Variants in DOCK1 observed in about 807,000 individuals in gnomAD.
DOCK1 encodes the protein dedicator of cytokinesis protein 1.
Under a neutral mutation model 262.7 loss-of-function variants are expected in DOCK1, and 138 were observed. That is an observed-to-expected ratio of 0.53 (90% confidence interval 0.46 to 0.61). The LOEUF is 0.61. Among genes scored for constraint, DOCK1 ranks in the 20% least tolerant of loss-of-function variants. DOCK1 has a pLI of 0.00. For missense variants in DOCK1, 1,908 were observed against 2,370.7 expected, an observed-to-expected ratio of 0.80 and a Z score of 4.05; for synonymous variants, 866 against 867.4, an observed-to-expected ratio of 1.00 and a Z score of 0.03.
intron 1 of DOCK1, among the ~76,000 whole-genome samples, chr10:126,913,886 T>A (rs996009944): frequency 1.3e-5 from 2 of 152,204 alleles, no homozygotes; most frequent in African/African-American, 4.8e-5. Flanking sequence ...CATGTCACCT[T>A]GGGGGTTATT....
chr10:127,107,982 G>A (rs761855762), intron 24 of DOCK1, among the ~76,000 whole-genome samples: 1 of 152,188 alleles, frequency 6.6e-6, no homozygotes, highest in South Asian at 2.1e-4. Flanking sequence ...TATCATTGAC[G>A]CTCACAGTTT....
At chr10:126,980,155 C>A (rs1190054159) in intron 3 of DOCK1, among the ~76,000 whole-genome samples, 1 of 152,082 alleles carries the variant, frequency 6.6e-6, no homozygotes, top group African/African-American at 2.4e-5. Context: ...CACAGCAACC[C>A]AGCGTTGGGT....
chr10:127,216,065 G>A (rs930870654), intron 27 of DOCK1, among the ~76,000 whole-genome samples: 1 of 152,100 alleles, frequency 6.6e-6, no homozygotes. Context: ...AGCTTTGCCA[G>A]GACCGGGCCT....
chr10:127,450,156 A>G (rs186254049), intron 51 of DOCK1, among the ~76,000 whole-genome samples: 2 of 152,320 alleles, frequency 1.3e-5, no homozygotes, highest in African/African-American at 4.8e-5. Flanking sequence ...CTCATAGGAC[A>G]TCTTTATATC....
intron 27 of DOCK1, among the ~76,000 whole-genome samples, chr10:127,180,710 C>A (rs2055641825): frequency 6.6e-6 from 1 of 152,094 alleles, no homozygotes; most frequent in Non-Finnish European, 1.5e-5. Flanking sequence ...AACTTAATGG[C>A]TAACAATAGG....
chr10:126,998,928 G>T (rs190081064), intron 8 of DOCK1, among the ~76,000 whole-genome samples: 1 of 152,144 alleles, frequency 6.6e-6, no homozygotes, highest in Non-Finnish European at 1.5e-5. Context: ...AGAAAAATAC[G>T]AGTGGATTTT....
intron 27 of DOCK1, among the ~76,000 whole-genome samples, chr10:127,198,614 A>G (rs1385293113): frequency 7.9e-5 from 12 of 152,260 alleles, no homozygotes; most frequent in African/African-American, 2.7e-4. Flanking sequence ...GGCAGGTTAG[A>G]AAATCCACTT....
At chr10:127,241,158 A>G (rs2134694230) in intron 27 of DOCK1, among the ~76,000 whole-genome samples, 1 of 152,194 alleles carries the variant, frequency 6.6e-6, no homozygotes, top group East Asian at 1.9e-4. Context: ...CCCTGTCTCT[A>G]CTAAAAATAC....
intron 30 of DOCK1, 124 bp from the exon 31 acceptor site, chr10:127,343,522 T>G: frequency 1.3e-6 from 1 of 777,142 alleles, no homozygotes; most frequent in Non-Finnish European, 2.0e-6. Context: ...ATAGAGTGAG[T>G]GTGGGTTTTT....
chr10:127,249,765 C>T (rs11016931), intron 28 of DOCK1, among the ~76,000 whole-genome samples: 9,173 of 152,230 alleles, frequency 0.06, 349 homozygotes, highest in Non-Finnish European at 0.088. Flanking sequence ...AATGTTATTA[C>T]GCAGCACGTG....
At chr10:127,137,591 G>A (rs1418448683) in intron 27 of DOCK1, 2 of 408,358 alleles carry the variant, frequency 4.9e-6, no homozygotes, top group Non-Finnish European at 8.7e-6. Flanking sequence ...GACTACGTAA[G>A]TTTCATTTCA....
chr10:127,299,342 G>T (rs535624268), intron 29 of DOCK1, among the ~76,000 whole-genome samples: 1 of 152,330 alleles, frequency 6.6e-6, no homozygotes, highest in East Asian at 1.9e-4. Context: ...GACCTCAGAT[G>T]ATCCACCTGC....
intron 23 of DOCK1, among the ~76,000 whole-genome samples, chr10:127,087,213 A>C (rs1172762977): frequency 6.6e-6 from 1 of 152,212 alleles, no homozygotes; most frequent in African/African-American, 2.4e-5. Context: ...TGCTGAATTC[A>C]AACTATACTT....
At chr10:127,354,520 C>T (rs1374287386) in intron 31 of DOCK1, 149 bp from the exon 32 acceptor site, 1 of 806,626 alleles carries the variant, frequency 1.2e-6, no homozygotes, top group East Asian at 2.7e-5. Context: ...TCCTTTGATT[C>T]ATTTTGGTGG....
chr10:127,428,815 G>A (rs1429905181), intron 47 of DOCK1, among the ~76,000 whole-genome samples: 1 of 148,146 alleles, frequency 6.8e-6, no homozygotes. Context: ...GGGGTGCCGT[G>A]TGGATTGGGG....
At chr10:127,336,608 T>C (rs763255874) in intron 29 of DOCK1, among the ~76,000 whole-genome samples, 2 of 151,608 alleles carry the variant, frequency 1.3e-5, no homozygotes, top group East Asian at 3.9e-4. Context: ...GGCGCAATCC[T>C]GGCTCACTGC....
chr10:126,959,080 G>A (rs1040511855), intron 1 of DOCK1, among the ~76,000 whole-genome samples: 14 of 152,216 alleles, frequency 9.2e-5, no homozygotes, highest in Non-Finnish European at 1.9e-4. Context: ...TTTTCTGGTT[G>A]ACAATTGGTT....
intron 1 of DOCK1, among the ~76,000 whole-genome samples, chr10:126,969,998 T>A (rs942754393): frequency 3.3e-5 from 5 of 152,120 alleles, no homozygotes; most frequent in Non-Finnish European, 7.4e-5. Context: ...TAATATATAT[T>A]TTTTTAAATT....
At chr10:127,107,137 G>C (rs1397446282) in intron 24 of DOCK1, among the ~76,000 whole-genome samples, 1 of 151,948 alleles carries the variant, frequency 6.6e-6, no homozygotes, top group Non-Finnish European at 1.5e-5. Context: ...ATGCACAGTC[G>C]TTTAAACCCC....
Sources: allele counts gnomAD v4.1 joint callset (sites outside exome capture counted in the v4.1 genomes callset), GRCh38; gene constraint gnomAD v4.1.1; transcripts MANE v1.5; gene names NCBI Gene and HGNC (gene_info 2026-07-23, HGNC 2026-07-21).